ADAMTSL1: variants seen among roughly 807,000 people sequenced by gnomAD.
ADAMTSL1 encodes the protein ADAMTS-like protein 1.
Under a neutral mutation model 201.8 loss-of-function variants are expected in ADAMTSL1, and 126 were observed. The observed-to-expected ratio is 0.62, with a 90% CI of 0.54 to 0.72. The LOEUF (loss-of-function observed/expected upper bound fraction) is 0.72, where lower values mean the gene tolerates loss of function less well. Ranked by LOEUF, ADAMTSL1 falls within the 30% of genes least tolerant of loss-of-function variation. The pLI is 0.00. For missense variants in ADAMTSL1, 2,679 were observed against 2,277.8 expected, an observed-to-expected ratio of 1.18 and a Z score of -3.59; for synonymous variants, 1,121 against 903.4, an observed-to-expected ratio of 1.24 and a Z score of -4.32.
At chr9:18,214,091 T>A (rs1004027302) in intron 2 of ADAMTSL1, among the ~76,000 whole-genome samples, 5 of 152,186 alleles carry the variant, frequency 3.3e-5, no homozygotes, top group African/African-American at 1.2e-4. Flanking sequence ...ATTTTTGTTG[T>A]AAGAACAAAG....
intron 7 of ADAMTSL1, among the ~76,000 whole-genome samples, chr9:18,641,895 A>T (rs1827464604): frequency 6.6e-6 from 1 of 151,942 alleles, no homozygotes; most frequent in African/African-American, 2.4e-5. Flanking sequence ...TGCATTATAT[A>T]TATAATACAT....
intron 4 of ADAMTSL1, among the ~76,000 whole-genome samples, chr9:18,589,535 C>G (rs1823773502): frequency 6.6e-6 from 1 of 152,174 alleles, no homozygotes; most frequent in African/African-American, 2.4e-5. Flanking sequence ...GATAATTTGA[C>G]TTCTTCCTTT....
At position 18,057,130 on chromosome 9, in the gene ADAMTSL1, G is replaced by C. The variant is rs539306903; in HGVS notation, c.88-106732G>C. On this transcript the variant is annotated intron_variant, in intron 1 of 29. Transcript: ENST00000680146. ...ACAGCAGAGACCTTCCCACTGACAG[G>C]CAGGTAGCGGTTTTTCTAGTATGTG... Among the ~76,000 whole-genome samples the C allele has an allele frequency of 2.0e-5, 3 of 152,294 alleles. No individual in the cohort carries two copies. In the South Asian group the frequency reaches 6.2e-4, roughly 32 times the overall value.
chr9:18,593,677 A>G (rs1169808601), intron 4 of ADAMTSL1, among the ~76,000 whole-genome samples: 1 of 152,100 alleles, frequency 6.6e-6, no homozygotes, highest in Non-Finnish European at 1.5e-5. Flanking sequence ...CTGGTCATTC[A>G]GGAGCATATT....
chr9:18,349,181 T>A (rs113387429), intron 2 of ADAMTSL1, among the ~76,000 whole-genome samples: 23 of 152,324 alleles, frequency 1.5e-4, no homozygotes, highest in African/African-American at 5.3e-4. Flanking sequence ...GATGAGGCAC[T>A]TGAATATTTG....
chr9:18,408,478 C>A (rs984751696), intron 2 of ADAMTSL1, among the ~76,000 whole-genome samples: 3 of 151,866 alleles, frequency 2.0e-5, no homozygotes, highest in Non-Finnish European at 2.9e-5. Context: ...CCGCACCCCC[C>A]ACCCACAGAA....
chr9:18,864,416 G>T (rs1827381650), intron 23 of ADAMTSL1, among the ~76,000 whole-genome samples: 1 of 152,174 alleles, frequency 6.6e-6, no homozygotes, highest in Non-Finnish European at 1.5e-5. Context: ...GAGCTGGCTT[G>T]ATCTATCCTA....
intron 2 of ADAMTSL1, among the ~76,000 whole-genome samples, chr9:18,277,802 C>G (rs1832641941): frequency 6.6e-6 from 1 of 152,156 alleles, no homozygotes; most frequent in Non-Finnish European, 1.5e-5. Context: ...AGACTTACTA[C>G]TGCCAGTGTG....
chr9:18,855,539 C>G (rs1045387342), intron 23 of ADAMTSL1, among the ~76,000 whole-genome samples: 2 of 152,106 alleles, frequency 1.3e-5, no homozygotes, highest in Non-Finnish European at 2.9e-5. Flanking sequence ...TATTCGTGTT[C>G]TAGAAACATA....
At chr9:17,913,780 C>G (rs904757081) in intron 1 of ADAMTSL1, among the ~76,000 whole-genome samples, 7 of 148,264 alleles carry the variant, frequency 4.7e-5, no homozygotes, top group Admixed American at 1.3e-4. Flanking sequence ...GCTAGCGAGA[C>G]TAATAAAGAA....
chr9:17,996,918 C>G (rs1819403463), intron 1 of ADAMTSL1, among the ~76,000 whole-genome samples: 1 of 152,124 alleles, frequency 6.6e-6, no homozygotes, highest in African/African-American at 2.4e-5. Context: ...TATTTACAAA[C>G]AATATACAAG....
intron 2 of ADAMTSL1, among the ~76,000 whole-genome samples, chr9:18,288,119 T>C (rs1478654161): frequency 1.3e-5 from 2 of 151,772 alleles, no homozygotes; most frequent in Non-Finnish European, 2.9e-5. Context: ...GGGCACATGA[T>C]TGGGAAATTC....
chr9:18,852,092 C>G (rs896131021), intron 23 of ADAMTSL1, among the ~76,000 whole-genome samples: 2 of 152,218 alleles, frequency 1.3e-5, no homozygotes, highest in African/African-American at 4.8e-5. Context: ...CCTACTCCAA[C>G]AAATCCATCT....
At chr9:18,776,209 T>C (rs536121837) in intron 18 of ADAMTSL1, among the ~76,000 whole-genome samples, 131 of 150,522 alleles carry the variant, frequency 8.7e-4, no homozygotes, top group African/African-American at 3.1e-3. Context: ...TTATCCACTC[T>C]GGGGTTTTAA....
At chr9:18,561,077 C>A (rs1444876809) in intron 3 of ADAMTSL1, among the ~76,000 whole-genome samples, 1 of 151,784 alleles carries the variant, frequency 6.6e-6, no homozygotes, top group Admixed American at 6.6e-5. Flanking sequence ...GTTTTGAAAT[C>A]CGTTCCTGTT....
At chr9:18,240,003 A>C (rs2132444264) in intron 2 of ADAMTSL1, among the ~76,000 whole-genome samples, 1 of 152,310 alleles carries the variant, frequency 6.6e-6, no homozygotes, top group Admixed American at 6.5e-5. Flanking sequence ...TAGGGTTGGC[A>C]TCAACTTCTT....
rs141551953 is a variant in ADAMTSL1 at position 18,666,802 on chromosome 9, T to G, written c.1085+4729T>G. Among the ~76,000 whole-genome samples the G allele has an allele frequency of 3.5e-3, 540 of 152,278 alleles. 3 individuals are homozygous for G. Among genetic ancestry groups the G allele is most frequent in the African/African-American group, 0.012 (505 of 41,562 alleles). ...TGAATCCAGCTAATAAACACCTTGA[T>G]GTTTCAAAGCAGCTTTAGATGTAAA... On this transcript the variant is annotated intron_variant, in intron 9 of 28. Coordinates refer to ENST00000380548, the MANE Select transcript of ADAMTSL1 (RefSeq NM_001040272.6).
intron 2 of ADAMTSL1, among the ~76,000 whole-genome samples, chr9:18,342,791 C>T (rs1376524510): frequency 6.6e-6 from 1 of 152,122 alleles, no homozygotes; most frequent in East Asian, 1.9e-4. Flanking sequence ...TTAACATCTT[C>T]TCAAGGATTA....
chr9:18,209,362 A>G (rs769519394), intron 2 of ADAMTSL1, among the ~76,000 whole-genome samples: 1 of 152,164 alleles, frequency 6.6e-6, no homozygotes, highest in Admixed American at 6.6e-5. Flanking sequence ...CATTTAACTT[A>G]ACTCTGGGAT....
Sources: gnomAD v4.1 joint callset for allele counts (sites outside exome capture counted in the v4.1 genomes callset) on GRCh38, gnomAD v4.1.1 for gene constraint, MANE v1.5 for transcripts, NCBI Gene and HGNC (gene_info 2026-07-23, HGNC 2026-07-21) for gene names.